Variants in SERPINE3 observed in about 807,000 individuals in gnomAD.
The protein encoded by SERPINE3 is serpin family E member 3.
In SERPINE3, 43 loss-of-function variants were observed where a neutral mutation model predicts 41.7. The ratio of observed to expected loss-of-function variants is 1.03; its 90% confidence interval spans 0.81 to 1.33. The LOEUF (loss-of-function observed/expected upper bound fraction) is 1.33. Ranked by LOEUF, SERPINE3 falls within the 40% of genes most tolerant of loss-of-function variation. The probability of loss-of-function intolerance (pLI) is 0.00; values close to 1 mark genes in which losing one functional copy is unlikely to be tolerated. For missense variants in SERPINE3, 440 were observed against 491.7 expected, an observed-to-expected ratio of 0.89 and a Z score of 0.99; for synonymous variants, 200 against 192.2, an observed-to-expected ratio of 1.04 and a Z score of -0.34.
chr13:51,346,954 G>A (rs1377202000), intron 4 of SERPINE3, 71 bp from the exon 5 acceptor site: 9 of 1,153,610 alleles, frequency 7.8e-6, no homozygotes, highest in Non-Finnish European at 1.0e-5. Context: ...CTCCTTGTCC[G>A]CACACACACT....
chr13:51,345,639 T>C (rs1432804042), intron 4 of SERPINE3, among the ~76,000 whole-genome samples: 7 of 145,674 alleles, frequency 4.8e-5, no homozygotes, highest in Admixed American at 6.8e-5. Flanking sequence ...GTGATATGTA[T>C]ACTACGACTG....
intron 6 of SERPINE3, among the ~76,000 whole-genome samples, chr13:51,350,956 T>G (rs542853393): frequency 6.6e-6 from 1 of 152,330 alleles, no homozygotes; most frequent in East Asian, 1.9e-4. Flanking sequence ...TCAAGGTTCA[T>G]AGTAGCATGA....
At chr13:51,351,131 G>GTA (rs1955398852) in intron 6 of SERPINE3, among the ~76,000 whole-genome samples, 1 of 152,000 alleles carries the variant, frequency 6.6e-6, no homozygotes, top group Non-Finnish European at 1.5e-5. Flanking sequence ...ATTTTTTTGT[G>GTA]TATATATATT....
Position 51,346,965 on chromosome 13 carries a change from G to A in SERPINE3, c.491-60G>A, listed in dbSNP as rs972686451. The A allele has an allele frequency of 7.0e-6, 9 of 1,279,716 alleles. No homozygotes were observed. In the African/African-American group the frequency reaches 1.3e-4, roughly 19 times the overall value. 79.3% of individuals were successfully genotyped at this position (1,279,716 alleles called of 1,614,324 possible). On this transcript the variant is annotated intron_variant, in intron 4 of 9. Transcript: ENST00000681248. ...TGCACTCCTTGTCCGCACACACACTGGGTTCGGTTCAGTTTCAATGCACAT... is the reference window on the plus strand; with the variant it reads ...TGCACTCCTTGTCCGCACACACACTAGGTTCGGTTCAGTTTCAATGCACAT...
intron 7 of SERPINE3, among the ~76,000 whole-genome samples, chr13:51,358,377 C>T (rs1955513483): frequency 6.6e-6 from 1 of 152,100 alleles, no homozygotes; most frequent in South Asian, 2.1e-4. Flanking sequence ...GTTTATACAA[C>T]GTCATGTTTT....
intron 7 of SERPINE3, among the ~76,000 whole-genome samples, chr13:51,358,408 G>A (rs1162281411): frequency 1.3e-5 from 2 of 152,128 alleles, no homozygotes; most frequent in Non-Finnish European, 2.9e-5. Context: ...AACCTTTTGA[G>A]TATGACCAGC....
Position 51,348,332 on chromosome 13 carries a change from G to T in SERPINE3, c.820G>T (p.Glu274Ter). The T allele has an allele frequency of 6.2e-7, 1 of 1,613,802 alleles. No homozygotes were observed. The change falls in exon 6 of 10, where the codon GAG (glutamate) becomes TAG (stop). Residue 274 changes from glutamate to a stop codon, truncating the protein, a stop_gained. Transcript: ENST00000681248. LOFTEE classifies it high-confidence loss of function. ...CAAAGACACCCCCCTGAGCCACATC[G>T]AGCCACACCTCACAGCCAGCACCAT... The part of the protein sequence containing the change: ...RDKDTPLSHI[E>*]PHLTASTIHL...
intron 6 of SERPINE3, among the ~76,000 whole-genome samples, chr13:51,351,740 A>G (rs1955405193): frequency 6.6e-6 from 1 of 152,002 alleles, no homozygotes; most frequent in Non-Finnish European, 1.5e-5. Flanking sequence ...ATTTAGGTGT[A>G]TGTTTTTTTT....
intron 6 of SERPINE3, among the ~76,000 whole-genome samples, chr13:51,351,937 T>C (rs754602050): frequency 5.3e-5 from 8 of 152,080 alleles, no homozygotes; most frequent in Non-Finnish European, 8.8e-5. Context: ...TTTGTCAAAA[T>C]CAATTGCCCA....
intron 6 of SERPINE3, among the ~76,000 whole-genome samples, chr13:51,348,962 A>C (rs1955380378): frequency 6.6e-6 from 1 of 152,248 alleles, no homozygotes; most frequent in Non-Finnish European, 1.5e-5. Flanking sequence ...CTCTCCTTTA[A>C]GAAGACCCAA....
At position 51,364,250 on chromosome 13, in the gene SERPINE3, A is replaced by C; in HGVS notation, c.1183A>C (p.Ser395Arg). The C allele has an allele frequency of 1.4e-6, 2 of 1,460,014 alleles. No homozygotes were observed. The highest frequency in any genetic ancestry group is 1.8e-6 in the Non-Finnish European group (2 of 1,087,364). The allele number at this position is 1,460,014 out of a possible 1,614,324, so 90.4% of individuals were successfully genotyped here. A position where few individuals can be genotyped will look rare whatever the true frequency, so the allele number is the denominator to read the frequency against. Residue 395 changes from serine (S) to arginine (R), a missense_variant, in exon 10 of 10, where the codon AGT becomes CGT. Ser to Arg is a moderately radical substitution (Grantham distance 110). Coordinates refer to ENST00000681248, the MANE Select transcript of SERPINE3 (RefSeq NM_001386375.1). Reference sequence around the variant, plus strand: ...CTTTTTCTTGACAGGGTTTGTCTTCAGTATTGGGAGAGTTTCAAATCCCCT... The same window carrying C: ...CTTTTTCTTGACAGGGTTTGTCTTCCGTATTGGGAGAGTTTCAAATCCCCT... ...LREPNTGFVFSIGRVSNPLD is the reference protein window; with the variant it reads ...LREPNTGFVFRIGRVSNPLD
intron 8 of SERPINE3, 51 bp downstream of exon 8, chr13:51,361,415 G>T: frequency 9.1e-7 from 1 of 1,100,098 alleles, no homozygotes; most frequent in Non-Finnish European, 1.4e-6. Flanking sequence ...CTACCTTTCT[G>T]AAATTTACCT....
chr13:51,342,311 A>C (rs777833761), intron 3 of SERPINE3, among the ~76,000 whole-genome samples: 6 of 152,130 alleles, frequency 3.9e-5, no homozygotes, highest in Non-Finnish European at 5.9e-5. Context: ...AGGGCAGTAA[A>C]GCCCCACCAC....
At chr13:51,364,064 AT>A in intron 9 of SERPINE3, 174 bp from the exon 10 acceptor site, 1 of 390,426 alleles carries the variant, frequency 2.6e-6, no homozygotes, top group Non-Finnish European at 4.5e-6. Context: ...TATATTCTGG[AT>A]TTTGTGTAAC....
chr13:51,344,395 T>A lies in SERPINE3; in HGVS notation c.400T>A (p.Trp134Arg). 1 of 1,612,406 alleles carries A rather than the reference T, an allele frequency of 6.2e-7. No homozygotes were observed. The change falls in exon 4 of 10, where the codon TGG (tryptophan) becomes AGG (arginine). Residue 134 changes from tryptophan (W) to arginine (R), a missense_variant. Coordinates refer to ENST00000681248, the MANE Select transcript of SERPINE3 (RefSeq NM_001386375.1). ...SPCFVEHVSW[W>R]ANSSLEPADL... Reference sequence around the variant, plus strand: ...CTGCTTTGTGGAGCACGTCTCCTGGTGGGCTAACAGCAGCCTGGAACCAGC... The same window carrying A: ...CTGCTTTGTGGAGCACGTCTCCTGGAGGGCTAACAGCAGCCTGGAACCAGC...
intron 6 of SERPINE3, among the ~76,000 whole-genome samples, chr13:51,348,929 C>T (rs1955379910): frequency 8.1e-6 from 1 of 122,880 alleles, no homozygotes; most frequent in South Asian, 2.6e-4. Flanking sequence ...AGAAGGTTCT[C>T]ATTCTTTCTA....
chr13:51,344,162 G>A (rs139744018), intron 3 of SERPINE3, 90 bp from the exon 4 acceptor site: 15 of 908,954 alleles, frequency 1.7e-5, no homozygotes, highest in South Asian at 1.2e-4. Context: ...AGTTGCTGGC[G>A]TTCCATCTCA....
chr13:51,342,959 C>T (rs886307698), intron 3 of SERPINE3, among the ~76,000 whole-genome samples: 43 of 152,290 alleles, frequency 2.8e-4, no homozygotes, highest in Admixed American at 1.0e-3. Context: ...GGAGCAGCTT[C>T]GGTAGTGAAC....
In SERPINE3 at chr13:51,344,238, C is replaced by A. The variant is rs778160446; in HGVS notation, c.257-14C>A. 1.2e-6 allele frequency: 2 copies of A among 1,606,160 alleles called. No individual in the cohort carries two copies. The highest frequency in any genetic ancestry group is 1.7e-6 in the Non-Finnish European group (2 of 1,173,112). ...ACTCACCATTGTCAACTTATCCCAA[C>A]TTGTTTTTCACAGACAAAAGGGTGA... On this transcript the variant is annotated splice_polypyrimidine_tract_variant and intron_variant, in intron 3 of 9. Transcript: ENST00000681248.
Sources: gnomAD v4.1 joint callset for allele counts (sites outside exome capture counted in the v4.1 genomes callset) on GRCh38, gnomAD v4.1.1 for gene constraint, MANE v1.5 for transcripts, NCBI Gene and HGNC (gene_info 2026-07-23, HGNC 2026-07-21) for gene names.